The following DTWD2 variants were observed in gnomAD, a reference collection of about 807,000 sequenced individuals.
DTWD2 encodes the protein DTW motif tRNA-uridine aminocarboxypropyltransferase 2, also known as tRNA-uridine aminocarboxypropyltransferase 2.
Under a neutral mutation model 31.8 loss-of-function variants are expected in DTWD2, and 39 were observed. That is an observed-to-expected ratio of 1.22 (90% CI 0.95 to 1.60). The LOEUF is 1.60. Among genes scored for constraint, DTWD2 ranks in the 40% most tolerant of loss-of-function variants. The pLI, the probability that DTWD2 is intolerant of heterozygous loss-of-function variation, is 0.00. For missense variants in DTWD2, 515 were observed against 381.5 expected, an observed-to-expected ratio of 1.35 and a Z score of -2.92; for synonymous variants, 180 against 142.8, an observed-to-expected ratio of 1.26 and a Z score of -1.86.
chr5:118,856,154 T>C (rs986139521), intron 4 of DTWD2, among the ~76,000 whole-genome samples: 1 of 152,180 alleles, frequency 6.6e-6, no homozygotes, highest in African/African-American at 2.4e-5. Context: ...CCACCTTTTC[T>C]GAAATAGCCA....
Position 118,928,541 on chromosome 5 carries a change from T to C in DTWD2, c.593A>G (p.Lys198Arg), listed in dbSNP as rs1447311367. ...CTGTTAAAATTACTAGTTTACCTGT[T>C]TGGGATGTCGGAACAAGGAGTTCTT... ...FYKNSLFRHP[K>R]QVQLKTSISS... is the part of the protein sequence containing the mutation. Residue 198 changes from lysine to arginine, a missense_variant, in exon 4 of 6, where the codon AAA becomes AGA. Physicochemically the swap from Lys to Arg is conservative, Grantham distance 26. Coordinates refer to ENST00000510708, the MANE Select transcript of DTWD2 (RefSeq NM_173666.4). 2.0e-6 allele frequency: 3 copies of C among 1,503,796 alleles called. No individual in the cohort carries two copies. Among genetic ancestry groups the C allele is most frequent in the Admixed American group, 4.3e-5 (2 of 46,756 alleles). 93.2% of individuals were successfully genotyped at this position (1,503,796 alleles called of 1,614,324 possible). A position where few individuals can be genotyped will look rare whatever the true frequency, so the allele number is the denominator to read the frequency against.
intron 5 of DTWD2, among the ~76,000 whole-genome samples, chr5:118,842,197 T>C (rs772260606): frequency 8.5e-5 from 13 of 152,200 alleles, no homozygotes; most frequent in Non-Finnish European, 1.3e-4. Flanking sequence ...CACTAGTAGT[T>C]GCTTCTTCGT....
chr5:118,902,364 C>T (rs938746531), intron 4 of DTWD2, among the ~76,000 whole-genome samples: 40 of 152,030 alleles, frequency 2.6e-4, no homozygotes, highest in Admixed American at 1.0e-3. Context: ...AAAATTATAG[C>T]GCACATGAAT....
intron 4 of DTWD2, among the ~76,000 whole-genome samples, chr5:118,882,983 AG>A (rs769567118): frequency 2.0e-5 from 3 of 152,274 alleles, no homozygotes; most frequent in Non-Finnish European, 4.4e-5. Flanking sequence ...CCTCATGGTC[AG>A]GCCGCAAATT....
At chr5:118,986,835 G>C (rs1755438464) in intron 1 of DTWD2, among the ~76,000 whole-genome samples, 2 of 151,782 alleles carry the variant, frequency 1.3e-5, no homozygotes. Context: ...CCTAATTAAA[G>C]CAAATAAAAT....
chr5:118,916,174 A>AT (rs1753571830), intron 4 of DTWD2, among the ~76,000 whole-genome samples: 1 of 152,226 alleles, frequency 6.6e-6, no homozygotes, highest in Admixed American at 6.5e-5. Context: ...AGACTGTTGG[A>AT]TAAAAAGGTT....
At chr5:118,951,177 G>A (rs77350661) in intron 1 of DTWD2, among the ~76,000 whole-genome samples, 3,211 of 152,292 alleles carry the variant, frequency 0.021, 54 homozygotes, top group South Asian at 0.076. Flanking sequence ...GTGGGGAAGG[G>A]CTAGTCACAG....
At chr5:118,915,140 C>G (rs1276516529) in intron 4 of DTWD2, among the ~76,000 whole-genome samples, 1 of 151,938 alleles carries the variant, frequency 6.6e-6, no homozygotes. Flanking sequence ...TCACTTGAAC[C>G]TAGGAGGCAG....
At chr5:118,877,695 G>A (rs866684519) in intron 4 of DTWD2, among the ~76,000 whole-genome samples, 5 of 151,960 alleles carry the variant, frequency 3.3e-5, no homozygotes, top group Admixed American at 2.6e-4. Flanking sequence ...CAGGACAATC[G>A]AGCAAGAGAA....
chr5:118,965,542 A>T (rs1380412048), intron 1 of DTWD2, among the ~76,000 whole-genome samples: 1 of 152,238 alleles, frequency 6.6e-6, no homozygotes, highest in East Asian at 1.9e-4. Flanking sequence ...GTGTAGAAAG[A>T]AGTAGACATA....
chr5:118,939,178 C>A lies in DTWD2; in HGVS notation c.404+18G>T. ...GTGTAGAAAAGAATTATTTACATTGCCCTAACAGTTAATTTACCTTTCTTC... is the reference window on the plus strand; with the variant it reads ...GTGTAGAAAAGAATTATTTACATTGACCTAACAGTTAATTTACCTTTCTTC... On this transcript the variant is annotated intron_variant, in intron 3 of 5. Coordinates refer to ENST00000510708, the MANE Select transcript of DTWD2 (RefSeq NM_173666.4). The A allele has an allele frequency of 6.3e-7, 1 of 1,590,830 alleles. No individual in the cohort carries two copies. Among genetic ancestry groups the A allele is most frequent in the Non-Finnish European group, 8.6e-7 (1 of 1,168,860 alleles).
chr5:118,842,069 A>G (rs2112666338), intron 5 of DTWD2, among the ~76,000 whole-genome samples: 1 of 152,298 alleles, frequency 6.6e-6, no homozygotes, highest in East Asian at 1.9e-4. Flanking sequence ...TAACTATAAT[A>G]CACACTCTCA....
chr5:118,907,344 T>G (rs1017810777), intron 4 of DTWD2, among the ~76,000 whole-genome samples: 1 of 152,194 alleles, frequency 6.6e-6, no homozygotes, highest in Admixed American at 6.5e-5. Context: ...TTAGGATATA[T>G]ATAGAGAGAG....
chr5:118,864,626 TTTTTA>T (rs1056351362), intron 4 of DTWD2, among the ~76,000 whole-genome samples: 4 of 147,968 alleles, frequency 2.7e-5, no homozygotes, highest in African/African-American at 7.8e-5. Context: ...TATCTTTCTT[TTTTTA>T]TTTTATTTTA....
At chr5:118,946,064 C>T (rs1043670264) in intron 1 of DTWD2, among the ~76,000 whole-genome samples, 10 of 152,176 alleles carry the variant, frequency 6.6e-5, no homozygotes, top group African/African-American at 2.2e-4. Flanking sequence ...ATCTGTTAAA[C>T]ACACCCTCTC....
chr5:118,856,687 T>G (rs1282167253), intron 4 of DTWD2, among the ~76,000 whole-genome samples: 1 of 152,142 alleles, frequency 6.6e-6, no homozygotes, highest in Admixed American at 6.6e-5. Context: ...TGCCATATTT[T>G]GTATTTTTCT....
At chr5:118,953,392 T>A (rs1390892088) in intron 1 of DTWD2, among the ~76,000 whole-genome samples, 1 of 152,200 alleles carries the variant, frequency 6.6e-6, no homozygotes, top group South Asian at 2.1e-4. Context: ...AATCAAAGAA[T>A]AATAAACAAC....
At chr5:118,986,728 CTAGT>C (rs1580459056) in intron 1 of DTWD2, among the ~76,000 whole-genome samples, 1 of 151,954 alleles carries the variant, frequency 6.6e-6, no homozygotes, top group African/African-American at 2.4e-5. Flanking sequence ...TATATTCTAC[CTAGT>C]TAAAGCAAAT....
intron 4 of DTWD2, among the ~76,000 whole-genome samples, chr5:118,918,413 G>A (rs1311675548): frequency 6.7e-6 from 1 of 149,850 alleles, no homozygotes; most frequent in Non-Finnish European, 1.5e-5. Context: ...TGCAAGCTCC[G>A]CCTCCTGGTG....
Sources: gnomAD v4.1 joint callset for allele counts (sites outside exome capture counted in the v4.1 genomes callset) on GRCh38, gnomAD v4.1.1 for gene constraint, MANE v1.5 for transcripts, NCBI Gene and HGNC (gene_info 2026-07-23, HGNC 2026-07-21) for gene names.